ZNF385D: variants seen among roughly 807,000 people sequenced by gnomAD.
ZNF385D encodes zinc finger protein 385D, also known as zinc finger protein 659.
A neutral mutation model predicts 35.8 loss-of-function variants in ZNF385D; 15 were observed. The ratio of observed to expected loss-of-function variants is 0.42; its 90% CI spans 0.28 to 0.64. ZNF385D has a LOEUF of 0.64. Among genes scored for constraint, ZNF385D ranks in the 30% least tolerant of loss-of-function variants. The pLI is 0.23. For missense variants in ZNF385D, 474 were observed against 494.6 expected (o/e 0.96, Z 0.39); for synonymous variants, 212 against 186.8 (o/e 1.13, Z -1.10).
At chr3:22,349,278 T>C (rs11917257) in intron 2 of ZNF385D, among the ~76,000 whole-genome samples, 297 of 152,296 alleles carry the variant, frequency 2.0e-3, no homozygotes, top group African/African-American at 6.9e-3. Context: ...GAATCTCAAG[T>C]TGAACCTAGA....
chr3:21,702,489 G>A (rs1272161025), intron 1 of ZNF385D, among the ~76,000 whole-genome samples: 2 of 152,198 alleles, frequency 1.3e-5, no homozygotes, highest in African/African-American at 4.8e-5. Context: ...TCTCTGACAT[G>A]GCCTGGAAAC....
intron 3 of ZNF385D, among the ~76,000 whole-genome samples, chr3:21,822,138 C>G (rs1457457459): frequency 6.6e-6 from 1 of 151,972 alleles, no homozygotes; most frequent in Non-Finnish European, 1.5e-5. Context: ...GTCGTGTGAT[C>G]TTGGCTCACT....
At chr3:21,492,784 T>TAAATAAATAAATAAAA (rs1705533631) in intron 4 of ZNF385D, among the ~76,000 whole-genome samples, 1 of 149,180 alleles carries the variant, frequency 6.7e-6, no homozygotes, top group South Asian at 2.1e-4. Context: ...CAAAAATAAA[T>TAAATAAATAAATAAAA]AAATAAATAA....
At chr3:21,952,958 G>T (rs775770246) in intron 3 of ZNF385D, among the ~76,000 whole-genome samples, 1 of 151,930 alleles carries the variant, frequency 6.6e-6, no homozygotes, top group African/African-American at 2.4e-5. Context: ...TTCCCATGAT[G>T]CCTTAAATAC....
intron 3 of ZNF385D, among the ~76,000 whole-genome samples, chr3:21,995,943 G>A (rs1695438646): frequency 6.6e-6 from 1 of 152,040 alleles, no homozygotes; most frequent in Admixed American, 6.6e-5. Flanking sequence ...ATACTGTGTG[G>A]GCTAGAGTGC....
At chr3:21,704,441 A>C (rs1480841207) in intron 1 of ZNF385D, among the ~76,000 whole-genome samples, 1 of 151,426 alleles carries the variant, frequency 6.6e-6, no homozygotes, top group Non-Finnish European at 1.5e-5. Flanking sequence ...TTCATTTACT[A>C]TCCCTTTCCC....
chr3:21,988,843 C>T (rs977855447), intron 3 of ZNF385D, among the ~76,000 whole-genome samples: 24 of 152,268 alleles, frequency 1.6e-4, no homozygotes, highest in South Asian at 1.0e-3. Flanking sequence ...TAGGACCCTC[C>T]GAGCCAGGTG....
Position 22,061,809 on chromosome 3 carries a change from G to C in ZNF385D, c.325+107008C>G, listed in dbSNP as rs114302177. 1.0e-3 allele frequency among the ~76,000 whole-genome samples: 153 copies of C among 152,026 alleles called. 1 individual carries two copies. Among genetic ancestry groups the C allele is most frequent in the African/African-American group, 3.1e-3 (127 of 41,456 alleles). On this transcript the variant is annotated intron_variant, in intron 3 of 5. Coordinates refer to the ZNF385D transcript ENST00000494108. ...CTATTACCTTTTCCTGATTCATAGC[G>C]CTCATCACAATCTGGATTACCTTTC...
At chr3:21,898,400 T>C (rs1358469966) in intron 3 of ZNF385D, among the ~76,000 whole-genome samples, 1 of 152,166 alleles carries the variant, frequency 6.6e-6, no homozygotes, top group African/African-American at 2.4e-5. Flanking sequence ...TTCATTGCTA[T>C]TGGAAGACAA....
chr3:22,106,591 C>A (rs1460104627), intron 3 of ZNF385D, among the ~76,000 whole-genome samples: 1 of 152,144 alleles, frequency 6.6e-6, no homozygotes, highest in South Asian at 2.1e-4. Flanking sequence ...GTCTCTCTCT[C>A]ACCAGTCCCT....
chr3:21,546,825 C>G (rs529190999), intron 3 of ZNF385D, among the ~76,000 whole-genome samples: 60 of 77,208 alleles, frequency 7.8e-4, no homozygotes, highest in African/African-American at 3.8e-3. Context: ...GTGGATAATT[C>G]CTATTCTCTA....
chr3:21,866,282 G>A (rs575931662), intron 3 of ZNF385D, among the ~76,000 whole-genome samples: 10 of 152,050 alleles, frequency 6.6e-5, no homozygotes, highest in South Asian at 2.1e-4. Flanking sequence ...GTGAAACCCC[G>A]TCTCTTCTAA....
chr3:22,013,885 C>G (rs1347538156), intron 3 of ZNF385D, among the ~76,000 whole-genome samples: 1 of 152,090 alleles, frequency 6.6e-6, no homozygotes, highest in African/African-American at 2.4e-5. Context: ...TCACTGCAAC[C>G]TTATCTAATT....
At chr3:21,978,583 G>C (rs528155248) in intron 3 of ZNF385D, among the ~76,000 whole-genome samples, 40 of 152,254 alleles carry the variant, frequency 2.6e-4, no homozygotes, top group African/African-American at 9.1e-4. Context: ...ATCAGATTTT[G>C]CTTTTGTCTC....
At chr3:22,068,834 A>C (rs1263956986) in intron 3 of ZNF385D, among the ~76,000 whole-genome samples, 3 of 152,028 alleles carry the variant, frequency 2.0e-5, no homozygotes, top group Non-Finnish European at 4.4e-5. Context: ...TTCTAGCAAC[A>C]AGTAACATGG....
intron 1 of ZNF385D, among the ~76,000 whole-genome samples, chr3:21,728,348 G>T (rs186859466): frequency 2.0e-5 from 3 of 151,510 alleles, no homozygotes; most frequent in Admixed American, 6.6e-5. Context: ...CAACAAATAT[G>T]GTGGCATTTT....
chr3:22,000,903 GTT>G (rs36111318), intron 3 of ZNF385D, among the ~76,000 whole-genome samples: 9 of 148,002 alleles, frequency 6.1e-5, no homozygotes, highest in South Asian at 4.2e-4. Flanking sequence ...ATTTAAGGGA[GTT>G]TTTTTTTTTC....
chr3:22,076,538 TC>T (rs1303944713), intron 3 of ZNF385D, among the ~76,000 whole-genome samples: 1 of 151,962 alleles, frequency 6.6e-6, no homozygotes, highest in Non-Finnish European at 1.5e-5. Flanking sequence ...TAACACAGTC[TC>T]TATTACTATA....
At chr3:22,204,132 A>G (rs1299147965) in intron 2 of ZNF385D, among the ~76,000 whole-genome samples, 1 of 152,078 alleles carries the variant, frequency 6.6e-6, no homozygotes, top group Non-Finnish European at 1.5e-5. Flanking sequence ...CAGACAGCTC[A>G]GCAGAGAGAG....
Sources: gnomAD v4.1 joint callset for allele counts (sites outside exome capture counted in the v4.1 genomes callset) on GRCh38, gnomAD v4.1.1 for gene constraint, MANE v1.5 for transcripts, NCBI Gene and HGNC (gene_info 2026-07-23, HGNC 2026-07-21) for gene names.